The following ZZZ3 variants were observed in gnomAD, a reference collection of about 807,000 sequenced individuals.
The protein encoded by ZZZ3 is ZZ-type zinc finger-containing protein 3.
ZZZ3 carries 22 observed loss-of-function variants against 95.2 expected under a neutral mutation model. The observed-to-expected ratio is 0.23, with a 90% CI of 0.17 to 0.33. ZZZ3 has a LOEUF of 0.33. Among genes scored for constraint, ZZZ3 ranks in the 10% least tolerant of loss-of-function variants. The probability of loss-of-function intolerance (pLI) is 1.00; values close to 1 mark genes in which losing one functional copy is unlikely to be tolerated. For missense variants in ZZZ3, 885 were observed against 1,066.5 expected (o/e 0.83, Z 2.37); for synonymous variants, 335 against 358.9 (o/e 0.93, Z 0.75).
rs542545806 is a variant in ZZZ3, at chr1:77,648,146, C to A, written c.-402-6491G>T. 2.6e-5 allele frequency among the ~76,000 whole-genome samples: 4 copies of A among 151,810 alleles called. No homozygotes were observed. The South Asian group carries it at 6.3e-4, about 24-fold the overall frequency. On this transcript the variant is annotated intron_variant, in intron 1 of 14. Transcript: ENST00000370801. ...GGCCAAGGTGGGTGATTGCTTGAGC[C>A]CAGGAGTTTGAGACCAGCCTGAGCA...
rs758736333 is a variant in ZZZ3 at position 77,633,386 on chromosome 1, T to C, written c.-32A>G. 2 of 1,542,014 alleles carry C rather than the reference T, an allele frequency of 1.3e-6. No homozygotes were observed. Among genetic ancestry groups the C allele is most frequent in the Non-Finnish European group, 1.7e-6 (2 of 1,148,442 alleles). On this transcript the variant is annotated 5_prime_UTR_variant, in exon 5 of 15. It removes an upstream start codon present in the reference 5' UTR. Transcript: ENST00000370801. ...GCAAGTCCCTACAATACGGTCATCA[T>C]GATCCACTCATTGGGAAACCTTCAA...
intron 5 of ZZZ3, among the ~76,000 whole-genome samples, chr1:77,587,357 C>T (rs148164951): frequency 0.044 from 6,551 of 147,854 alleles, 205 homozygotes; most frequent in East Asian, 0.11. Context: ...CTCTGCCTCC[C>T]GGGTTCAGGC....
At chr1:77,674,107 G>A (rs1259746210) in intron 1 of ZZZ3, among the ~76,000 whole-genome samples, 1 of 150,652 alleles carries the variant, frequency 6.6e-6, no homozygotes, top group Non-Finnish European at 1.5e-5. Context: ...ACACAAAAAA[G>A]GTCATTAAAA....
intron 5 of ZZZ3, among the ~76,000 whole-genome samples, chr1:77,615,527 A>C (rs1666226310): frequency 6.6e-6 from 1 of 152,226 alleles, no homozygotes. Flanking sequence ...GTTCTGCTAG[A>C]ATTCTTTAGA....
Position 77,632,952 on chromosome 1 carries a change from A to G in ZZZ3, c.403T>C (p.Ser135Pro), listed in dbSNP as rs555110261. ...GACTCCTTGTCTGATTTTATAGGAGAATCTTCTTCTGAACTGTTTGGTGCT... is the reference window on the plus strand; with the variant it reads ...GACTCCTTGTCTGATTTTATAGGAGGATCTTCTTCTGAACTGTTTGGTGCT... ...SEAPNSSEED[S>P]PIKSDKESVE... Residue 135 changes from serine to proline, a missense_variant, in exon 5 of 15, where the codon TCT becomes CCT. Physicochemically the swap from Ser to Pro is moderately conservative, Grantham distance 74 (BLOSUM62 -1). Coordinates refer to ENST00000370801, the MANE Select transcript of ZZZ3 (RefSeq NM_015534.6). 6.2e-7 allele frequency: 1 copy of G among 1,613,986 alleles called. No individual in the cohort carries two copies. The highest frequency in any genetic ancestry group is 1.3e-5 in the African/African-American group (1 of 74,916).
chr1:77,657,270 C>G lies in ZZZ3; in HGVS notation c.-402-15615G>C, dbSNP rs985502542. Among the ~76,000 whole-genome samples, 6 of 152,334 alleles carry G rather than the reference C, an allele frequency of 3.9e-5. No individual in the cohort carries two copies. In the East Asian group the frequency reaches 1.2e-3, roughly 29 times the overall value. On this transcript the variant is annotated intron_variant, in intron 1 of 14. Coordinates refer to ENST00000370801, the MANE Select transcript of ZZZ3 (RefSeq NM_015534.6). ...GTGCTAGGATTACAGGCGTGAGCCA[C>G]CGCACCCAGCCTAAAAACACTTTTA...
Position 77,578,925 on chromosome 1 carries a change from C to A in ZZZ3, c.2083-56G>T. 4 of 1,161,596 alleles carry A rather than the reference C, an allele frequency of 3.4e-6. No homozygotes were observed. In the South Asian group the frequency reaches 7.8e-5, roughly 23 times the overall value. The allele number at this position is 1,161,596 out of a possible 1,614,324, so 72.0% of individuals were successfully genotyped here. On this transcript the variant is annotated intron_variant, in intron 10 of 14. Coordinates refer to ENST00000370801, the MANE Select transcript of ZZZ3 (RefSeq NM_015534.6). The stretch of plus-strand genomic sequence containing the variant: ...ATGAGATGACATACAATACCTGAGT[C>A]GTTTTTAAAAATTAAAACGTACATG...
At chr1:77,579,492 G>T in intron 10 of ZZZ3, 35 bp downstream of exon 10, 1 of 1,467,728 alleles carries the variant, frequency 6.8e-7, no homozygotes, top group Non-Finnish European at 9.5e-7. Flanking sequence ...ACTACCAAAA[G>T]CATACCAGCA....
At chr1:77,587,656 G>T (rs1051635536) in intron 5 of ZZZ3, among the ~76,000 whole-genome samples, 1 of 152,136 alleles carries the variant, frequency 6.6e-6, no homozygotes, top group East Asian at 1.9e-4. Context: ...TACGCTTTAA[G>T]AAAGACAAAC....
intron 5 of ZZZ3, among the ~76,000 whole-genome samples, chr1:77,607,083 A>C (rs1243667721): frequency 6.6e-6 from 1 of 152,204 alleles, no homozygotes; most frequent in Non-Finnish European, 1.5e-5. Flanking sequence ...TTCTCATGCT[A>C]CTAATAAAGA....
chr1:77,599,191 T>A (rs1664496966), intron 5 of ZZZ3, among the ~76,000 whole-genome samples: 1 of 152,094 alleles, frequency 6.6e-6, no homozygotes, highest in Non-Finnish European at 1.5e-5. Context: ...AGGCTCAGTT[T>A]ATATAAATTT....
chr1:77,594,028 T>A (rs891120632), intron 5 of ZZZ3, among the ~76,000 whole-genome samples: 6 of 152,166 alleles, frequency 3.9e-5, no homozygotes, highest in African/African-American at 1.4e-4. Context: ...TCTTTCTGAG[T>A]TGTAAATGGA....
intron 4 of ZZZ3, among the ~76,000 whole-genome samples, chr1:77,634,211 T>C (rs1333350867): frequency 6.6e-6 from 1 of 151,802 alleles, no homozygotes; most frequent in Non-Finnish European, 1.5e-5. Context: ...AAAATAATAA[T>C]CTTGAACTTA....
In ZZZ3 at chr1:77,632,101, A is replaced by G. The variant is rs754540645; in HGVS notation, c.1254T>C (p.Thr418=). The change falls in exon 5 of 15, where the codon ACT becomes ACC. Residue 418 remains threonine, a synonymous_variant. Coordinates refer to ENST00000370801, the MANE Select transcript of ZZZ3 (RefSeq NM_015534.6). ...NNLSPNETNA[T]VSDNVSQSPT... ...GAGATTGACTTACATTATCACTAACAGTTGCATTTGTTTCATTAGGACTAA... is the reference window on the plus strand; with the variant it reads ...GAGATTGACTTACATTATCACTAACGGTTGCATTTGTTTCATTAGGACTAA... The G allele has an allele frequency of 1.9e-6, 3 of 1,614,078 alleles. No individual in the cohort carries two copies. Among genetic ancestry groups the G allele is most frequent in the Non-Finnish European group, 2.5e-6 (3 of 1,179,988 alleles).
chr1:77,677,468 T>G (rs1672368389), intron 1 of ZZZ3, among the ~76,000 whole-genome samples: 1 of 152,214 alleles, frequency 6.6e-6, no homozygotes, highest in Non-Finnish European at 1.5e-5. Context: ...CAATATGTCA[T>G]ACACCCCCAT....
At chr1:77,584,389 C>T (rs182825057) in intron 6 of ZZZ3, 128 bp downstream of exon 6, 213 of 847,502 alleles carry the variant, frequency 2.5e-4, no homozygotes, top group Admixed American at 3.9e-4. Context: ...TTAAGTAGTA[C>T]GGCTAATTAT....
chr1:77,601,798 T>C (rs1266394998), intron 5 of ZZZ3, among the ~76,000 whole-genome samples: 1 of 152,178 alleles, frequency 6.6e-6, no homozygotes. Flanking sequence ...CCTCACTTTA[T>C]AGATTAGGAA....
chr1:77,662,786 G>A (rs540434946), intron 1 of ZZZ3, among the ~76,000 whole-genome samples: 1 of 152,176 alleles, frequency 6.6e-6, no homozygotes, highest in East Asian at 1.9e-4. Flanking sequence ...GTGAGACCCT[G>A]TCTCAAAAAA....
chr1:77,668,520 AG>A (rs1671451277), intron 1 of ZZZ3, among the ~76,000 whole-genome samples: 1 of 152,178 alleles, frequency 6.6e-6, no homozygotes, highest in African/African-American at 2.4e-5. Context: ...CTATATAAGT[AG>A]AAAGTACCAT....
Sources: gnomAD v4.1 joint callset for allele counts (sites outside exome capture counted in the v4.1 genomes callset) on GRCh38, gnomAD v4.1.1 for gene constraint, MANE v1.5 for transcripts, NCBI Gene and HGNC (gene_info 2026-07-23, HGNC 2026-07-21) for gene names.